Variants in MSRA observed in about 807,000 individuals in gnomAD.
The protein encoded by MSRA is mitochondrial peptide methionine sulfoxide reductase.
Under a neutral mutation model 31.3 loss-of-function variants are expected in MSRA, and 54 were observed. The observed-to-expected ratio is 1.73, with a 90% confidence interval of 1.39 to 2.17. The LOEUF (loss-of-function observed/expected upper bound fraction) is 2.17, where lower values mean the gene tolerates loss of function less well. Ranked by LOEUF, MSRA falls within the 30% of genes most tolerant of loss-of-function variation. The probability of loss-of-function intolerance (pLI) is 0.00; values close to 1 mark genes in which losing one functional copy is unlikely to be tolerated. For missense variants in MSRA, 507 were observed against 300.9 expected (o/e 1.69, Z -5.07); for synonymous variants, 169 against 116.5 (o/e 1.45, Z -2.90).
In MSRA at chr8:10,271,739, A is replaced by G. The variant is rs6996672; in HGVS notation, c.331+26516A>G. On this transcript the variant is annotated intron_variant, in intron 3 of 5. Coordinates refer to ENST00000317173, the MANE Select transcript of MSRA (RefSeq NM_012331.5). ...TAGTCTTTTTTTTTTTTTTTTGGAG[A>G]TGGACTTTTGCTCTTGTCGCCCAGG... 8.4e-3 allele frequency among the ~76,000 whole-genome samples: 1,077 copies of G among 127,646 alleles called. 12 individuals carry two copies. The highest frequency in any genetic ancestry group is 0.031 in the African/African-American group (1,034 of 33,426). 83.7% of individuals were successfully genotyped at this position (127,646 alleles called of 152,430 possible).
chr8:10,193,108 G>A (rs17748464), intron 1 of MSRA, among the ~76,000 whole-genome samples: 57,702 of 152,072 alleles, frequency 0.38, 11,178 homozygotes, highest in South Asian at 0.54. Flanking sequence ...AATTCTCCTC[G>A]AAATCAGATT....
chr8:10,178,011 A>T (rs963278376), intron 1 of MSRA, among the ~76,000 whole-genome samples: 1 of 152,296 alleles, frequency 6.6e-6, no homozygotes, highest in East Asian at 1.9e-4. Context: ...TATCCTCCTT[A>T]CCGCTTCACC....
At chr8:10,384,740 G>C (rs892130679) in intron 5 of MSRA, among the ~76,000 whole-genome samples, 2 of 152,156 alleles carry the variant, frequency 1.3e-5, no homozygotes, top group African/African-American at 4.8e-5. Context: ...AGGCATGGTG[G>C]TTCATGCCTG....
At chr8:10,353,032 C>A (rs562039362) in intron 5 of MSRA, among the ~76,000 whole-genome samples, 7 of 152,198 alleles carry the variant, frequency 4.6e-5, no homozygotes, top group African/African-American at 1.4e-4. Flanking sequence ...TTGCCTGATA[C>A]CATCTTCGTT....
chr8:10,246,142 A>T (rs1015208020), intron 3 of MSRA, among the ~76,000 whole-genome samples: 1 of 152,198 alleles, frequency 6.6e-6, no homozygotes, highest in Non-Finnish European at 1.5e-5. Context: ...TCTCATTGTT[A>T]TTATTATATA....
Position 10,149,950 on chromosome 8 carries a change from T to C in MSRA, c.143-57883T>C, listed in dbSNP as rs151246441. 3.2e-3 allele frequency among the ~76,000 whole-genome samples: 448 copies of C among 141,292 alleles called. 2 individuals are homozygous for C. Among genetic ancestry groups the C allele is most frequent in the Non-Finnish European group, 5.4e-3 (356 of 65,492 alleles). 92.7% of individuals were successfully genotyped at this position (141,292 alleles called of 152,430 possible). A position where few individuals can be genotyped will look rare whatever the true frequency, so the allele number is the denominator to read the frequency against. ...ACTTTATCTGTCAATTTACAAATAG[T>C]TGCTGGTAAGTGCTGTTTTTTCCTC... On this transcript the variant is annotated intron_variant, in intron 1 of 5. Coordinates refer to ENST00000317173, the MANE Select transcript of MSRA (RefSeq NM_012331.5).
chr8:10,180,751 C>T (rs1355066576), intron 1 of MSRA, among the ~76,000 whole-genome samples: 1 of 152,144 alleles, frequency 6.6e-6, no homozygotes, highest in Non-Finnish European at 1.5e-5. Flanking sequence ...TGTCTGGTAT[C>T]AGACACTGTT....
At chr8:10,351,285 C>T (rs1464472440) in intron 5 of MSRA, among the ~76,000 whole-genome samples, 1 of 117,886 alleles carries the variant, frequency 8.5e-6, no homozygotes, top group Admixed American at 1.2e-4. Context: ...GACGGAGTCT[C>T]GCTCTGTTGC....
chr8:10,225,191 C>T (rs1026793009), intron 2 of MSRA, among the ~76,000 whole-genome samples: 2 of 152,178 alleles, frequency 1.3e-5, no homozygotes, highest in African/African-American at 2.4e-5. Flanking sequence ...TGTGTTGAGG[C>T]CTTGTCATCT....
intron 1 of MSRA, among the ~76,000 whole-genome samples, chr8:10,144,449 G>C (rs892258661): frequency 6.6e-6 from 1 of 152,142 alleles, no homozygotes; most frequent in African/African-American, 2.4e-5. Flanking sequence ...TTTGTGAAGC[G>C]CTTAGACTGG....
intron 1 of MSRA, among the ~76,000 whole-genome samples, chr8:10,113,292 CTTTTTTTTTT>C (rs10665004): frequency 5.2e-5 from 3 of 57,604 alleles, no homozygotes; most frequent in African/African-American, 7.8e-5. Flanking sequence ...GACAGGTCTT[CTTTTTTTTTT>C]TTTTTTTTTT....
chr8:10,288,470 T>G (rs183372098), intron 3 of MSRA, among the ~76,000 whole-genome samples: 1 of 152,322 alleles, frequency 6.6e-6, no homozygotes, highest in East Asian at 1.9e-4. Context: ...CATAGTCGAT[T>G]ATAAAGTTCT....
At chr8:10,269,938 A>C (rs912151245) in intron 3 of MSRA, among the ~76,000 whole-genome samples, 1 of 152,214 alleles carries the variant, frequency 6.6e-6, no homozygotes, top group Non-Finnish European at 1.5e-5. Context: ...GGCGTGAGCC[A>C]TCGTGCCTGG....
At chr8:10,330,006 ATG>A (rs72198519) in intron 5 of MSRA, among the ~76,000 whole-genome samples, 29,276 of 135,106 alleles carry the variant, frequency 0.22, 3,077 homozygotes, top group South Asian at 0.31. Context: ...AGAGAAAAAA[ATG>A]TGTGTGTGTG....
chr8:10,313,932 A>G (rs1801575753), intron 4 of MSRA, among the ~76,000 whole-genome samples: 1 of 152,234 alleles, frequency 6.6e-6, no homozygotes, highest in South Asian at 2.1e-4. Context: ...CTTCTTAATC[A>G]ATAGTGATAA....
chr8:10,175,661 G>T (rs896635288), intron 1 of MSRA, among the ~76,000 whole-genome samples: 1 of 152,198 alleles, frequency 6.6e-6, no homozygotes, highest in Non-Finnish European at 1.5e-5. Flanking sequence ...TGGCTAGTGT[G>T]TTGAATGAAT....
rs1399817268 is a variant in MSRA, at chr8:10,417,399, C to G, written c.544-10749C>G. On this transcript the variant is annotated intron_variant, in intron 5 of 5. Coordinates refer to ENST00000317173, the MANE Select transcript of MSRA (RefSeq NM_012331.5). ...GGTCCTCTTTGGTGTTGAAGAGAAG[C>G]ACTCATCCCTTCGTCAGAAGACACA... 2.1e-5 allele frequency among the ~76,000 whole-genome samples: 3 copies of G among 145,836 alleles called. No homozygotes were observed. The Admixed American group carries it at 2.1e-4, about 10-fold the overall frequency.
At chr8:10,411,343 G>A (rs879719565) in intron 5 of MSRA, 1 of 152,190 alleles carries the variant, frequency 6.6e-6, no homozygotes. Flanking sequence ...ACTGACAAAA[G>A]CTTCTTTTCT....
intron 2 of MSRA, among the ~76,000 whole-genome samples, chr8:10,224,536 C>T (rs1223586154): frequency 6.6e-6 from 1 of 151,888 alleles, no homozygotes; most frequent in Non-Finnish European, 1.5e-5. Context: ...GTCCCCTTTT[C>T]TCAAGAGCAG....
Sources: gnomAD v4.1 joint callset for allele counts (sites outside exome capture counted in the v4.1 genomes callset) on GRCh38, gnomAD v4.1.1 for gene constraint, MANE v1.5 for transcripts, NCBI Gene and HGNC (gene_info 2026-07-23, HGNC 2026-07-21) for gene names.